Variants in CEP57 observed in about 807,000 individuals in gnomAD.
The protein encoded by CEP57 is centrosomal protein of 57 kDa.
A neutral mutation model predicts 68.0 loss-of-function variants in CEP57; 40 were observed. The ratio of observed to expected loss-of-function variants is 0.59; its 90% CI spans 0.46 to 0.77. The LOEUF (loss-of-function observed/expected upper bound fraction) is 0.77, where lower values mean the gene tolerates loss of function less well. Among genes scored for constraint, CEP57 ranks in the 30% least tolerant of loss-of-function variants. The pLI, the probability that CEP57 is intolerant of heterozygous loss-of-function variation, is 0.00. For synonymous variants in CEP57, 219 were observed against 198.7 expected, an observed-to-expected ratio of 1.10 and a Z score of -0.86; for missense variants, 606 against 580.7, an observed-to-expected ratio of 1.04 and a Z score of -0.45.
intron 3 of CEP57, 129 bp from the exon 4 acceptor site, chr11:95,813,339 C>A: frequency 8.4e-7 from 1 of 1,183,768 alleles, no homozygotes; most frequent in South Asian, 1.4e-5. Context: ...TTTAGGTAAT[C>A]TGAAAAGGCG....
intron 1 of CEP57, among the ~76,000 whole-genome samples, chr11:95,791,238 A>G (rs1302572960): frequency 6.6e-6 from 1 of 152,122 alleles, no homozygotes; most frequent in Admixed American, 6.5e-5. Flanking sequence ...TCCCATCCAC[A>G]TTAACTTCGT....
At chr11:95,824,733 A>T (rs1291469736) in intron 8 of CEP57, among the ~76,000 whole-genome samples, 1 of 152,224 alleles carries the variant, frequency 6.6e-6, no homozygotes, top group Non-Finnish European at 1.5e-5. Flanking sequence ...CCAGGATTTA[A>T]GGAAAGAGGA....
At chr11:95,817,463 TTAAC>T (rs1427149116) in intron 4 of CEP57, among the ~76,000 whole-genome samples, 5 of 152,288 alleles carry the variant, frequency 3.3e-5, no homozygotes, top group African/African-American at 9.6e-5. Context: ...AATTAAGAGA[TTAAC>T]TACTTGACAG....
intron 2 of CEP57, among the ~76,000 whole-genome samples, chr11:95,805,738 G>C (rs1861769725): frequency 6.6e-6 from 1 of 152,052 alleles, no homozygotes; most frequent in Admixed American, 6.6e-5. Context: ...TTGAAATACT[G>C]GCACTAATTC....
At chr11:95,821,175 A>G (rs922693244) in intron 6 of CEP57, among the ~76,000 whole-genome samples, 1 of 152,204 alleles carries the variant, frequency 6.6e-6, no homozygotes, top group Non-Finnish European at 1.5e-5. Context: ...CAGATTTGAA[A>G]CAAACACTAT....
At chr11:95,822,365 G>A in intron 7 of CEP57, 134 bp from the exon 8 acceptor site, 1 of 709,230 alleles carries the variant, frequency 1.4e-6, no homozygotes, top group Non-Finnish European at 2.5e-6. Flanking sequence ...GAGCTGGCTT[G>A]TGATCATAAT....
At chr11:95,793,838 GATATT>G (rs979008562) in intron 1 of CEP57, among the ~76,000 whole-genome samples, 1 of 152,148 alleles carries the variant, frequency 6.6e-6, no homozygotes, top group Non-Finnish European at 1.5e-5. Flanking sequence ...TTGTTTGCCA[GATATT>G]AGAAACAATC....
intron 1 of CEP57, among the ~76,000 whole-genome samples, chr11:95,794,581 T>TGTGTTC (rs1194649543): frequency 6.6e-6 from 1 of 152,174 alleles, no homozygotes; most frequent in African/African-American, 2.4e-5. Flanking sequence ...TGTGTGTGTG[T>TGTGTTC]GTGTTCTTCT....
chr11:95,798,948 C>T (rs117952223), intron 1 of CEP57, among the ~76,000 whole-genome samples: 6 of 152,174 alleles, frequency 3.9e-5, no homozygotes, highest in South Asian at 4.2e-4. Flanking sequence ...TTTTTAACTG[C>T]GGTATTTACA....
chr11:95,819,825 C>T (rs569781777), intron 6 of CEP57, among the ~76,000 whole-genome samples: 2 of 152,324 alleles, frequency 1.3e-5, no homozygotes, highest in South Asian at 2.1e-4. Context: ...TCTAGTGCAT[C>T]TCTAAATTTA....
chr11:95,807,084 C>T (rs931755793), intron 2 of CEP57, among the ~76,000 whole-genome samples: 18 of 152,164 alleles, frequency 1.2e-4, no homozygotes, highest in Admixed American at 5.2e-4. Context: ...CTGCAGCTTC[C>T]GTTGGTGATA....
intron 8 of CEP57, among the ~76,000 whole-genome samples, chr11:95,825,403 G>A (rs1862694535): frequency 1.3e-5 from 2 of 152,118 alleles, no homozygotes; most frequent in African/African-American, 2.4e-5. Flanking sequence ...TTCAAGATAC[G>A]AATTTTGGAG....
chr11:95,793,728 AAT>A, intron 1 of CEP57, among the ~76,000 whole-genome samples: 1 of 152,300 alleles, frequency 6.6e-6, no homozygotes, highest in Non-Finnish European at 1.5e-5. Context: ...TCCTTTTTCA[AAT>A]GAGCAAAATG....
At chr11:95,824,073 TAAAAAAA>T (rs71040119) in intron 8 of CEP57, among the ~76,000 whole-genome samples, 2 of 112,664 alleles carry the variant, frequency 1.8e-5, no homozygotes, top group South Asian at 3.0e-4. Flanking sequence ...AGGCCTATTG[TAAAAAAA>T]AAAAAAAAAA....
intron 2 of CEP57, among the ~76,000 whole-genome samples, chr11:95,810,471 TCTC>T (rs1367669895): frequency 1.3e-5 from 2 of 152,072 alleles, no homozygotes; most frequent in African/African-American, 2.4e-5. Flanking sequence ...CAGCCCAAAA[TCTC>T]CTCAAGTTGA....
intron 9 of CEP57, among the ~76,000 whole-genome samples, chr11:95,828,610 CAT>C (rs1862860286): frequency 1.3e-5 from 2 of 152,156 alleles, no homozygotes; most frequent in Admixed American, 1.3e-4. Context: ...ACTGATAAGA[CAT>C]GAGTGTTTGA....
At chr11:95,803,007 G>C (rs1861645929) in intron 2 of CEP57, among the ~76,000 whole-genome samples, 1 of 152,212 alleles carries the variant, frequency 6.6e-6, no homozygotes, top group Non-Finnish European at 1.5e-5. Context: ...ACGCCTTGCA[G>C]AGTGCTTCAC....
At chr11:95,826,841 C>T (rs1021884220) in intron 8 of CEP57, 2 of 152,184 alleles carry the variant, frequency 1.3e-5, no homozygotes, top group Admixed American at 6.5e-5. Context: ...ACCAGCCTTG[C>T]ATTGATGTAA....
intron 4 of CEP57, among the ~76,000 whole-genome samples, chr11:95,814,484 C>T (rs1253647916): frequency 6.6e-6 from 1 of 152,054 alleles, no homozygotes; most frequent in Middle Eastern, 3.2e-3. Flanking sequence ...CCTCAGCCTC[C>T]CAAGTAGCTG....
Sources: gnomAD v4.1 joint callset for allele counts (sites outside exome capture counted in the v4.1 genomes callset) on GRCh38, gnomAD v4.1.1 for gene constraint, MANE v1.5 for transcripts, NCBI Gene and HGNC (gene_info 2026-07-23, HGNC 2026-07-21) for gene names.